The following NCOR1 variants were observed in gnomAD, a reference collection of about 807,000 sequenced individuals.
The protein encoded by NCOR1 is nuclear receptor corepressor 1, also known as protein phosphatase 1, regulatory subunit 109.
Under a neutral mutation model 288.1 loss-of-function variants are expected in NCOR1, and 63 were observed. The observed-to-expected ratio is 0.22, with a 90% CI of 0.18 to 0.27. NCOR1 has a LOEUF of 0.27. NCOR1 is among the 10% of genes least tolerant of loss of function. The pLI, the probability that NCOR1 is intolerant of heterozygous loss-of-function variation, is 1.00. For synonymous variants in NCOR1, 1,007 were observed against 1,065.9 expected, an observed-to-expected ratio of 0.94 and a Z score of 1.08; for missense variants, 2,397 against 3,019.2, an observed-to-expected ratio of 0.79 and a Z score of 4.83.
intron 18 of NCOR1, 107 bp downstream of exon 18, chr17:16,117,780 CT>C: frequency 1.6e-6 from 2 of 1,214,920 alleles, no homozygotes; most frequent in Non-Finnish European, 2.2e-6. Flanking sequence ...CAAGATTGCA[CT>C]GCTGCACTCT....
intron 32 of NCOR1, 127 bp downstream of exon 32, chr17:16,067,767 G>A: frequency 1.1e-6 from 1 of 946,328 alleles, no homozygotes; most frequent in Non-Finnish European, 1.5e-6. Context: ...TTTAGTTTGT[G>A]AAAATTCACT....
At chr17:16,195,445 G>A (rs1438272955) in intron 1 of NCOR1, among the ~76,000 whole-genome samples, 3 of 151,692 alleles carry the variant, frequency 2.0e-5, no homozygotes, top group South Asian at 4.2e-4. Flanking sequence ...CACGCCAGCC[G>A]GGGCAACAGA....
At chr17:16,189,356 T>G (rs967616233) in intron 2 of NCOR1, among the ~76,000 whole-genome samples, 2 of 152,174 alleles carry the variant, frequency 1.3e-5, no homozygotes, top group African/African-American at 4.8e-5. Flanking sequence ...ATTGTGCCAC[T>G]GTACTTCAGC....
intron 42 of NCOR1, among the ~76,000 whole-genome samples, chr17:16,044,014 A>G (rs1487775659): frequency 6.6e-6 from 1 of 152,090 alleles, no homozygotes; most frequent in African/African-American, 2.4e-5. Flanking sequence ...TACTAAAAAT[A>G]CAAAATTAGC....
intron 42 of NCOR1, 24 bp from the exon 43 acceptor site, chr17:16,040,518 T>TTAA: frequency 6.2e-7 from 1 of 1,604,620 alleles, no homozygotes; most frequent in Non-Finnish European, 8.5e-7. Context: ...AACATTCAAG[T>TTAA]TAATTAAGAT....
At chr17:16,211,155 G>C (rs116120681) in intron 1 of NCOR1, among the ~76,000 whole-genome samples, 2,471 of 152,208 alleles carry the variant, frequency 0.016, 62 homozygotes, top group African/African-American at 0.056. Flanking sequence ...AACTTAGGCA[G>C]GTAAATCACT....
intron 21 of NCOR1, among the ~76,000 whole-genome samples, chr17:16,095,682 G>A (rs1393165415): frequency 1.3e-4 from 5 of 39,386 alleles, no homozygotes; most frequent in African/African-American, 3.5e-4. Context: ...GGGGTCAGCC[G>A]CCCCGTCCGG....
At chr17:16,060,957 A>C (rs1337996564) in intron 37 of NCOR1, among the ~76,000 whole-genome samples, 1 of 152,240 alleles carries the variant, frequency 6.6e-6, no homozygotes, top group Non-Finnish European at 1.5e-5. Flanking sequence ...ATGCAATATA[A>C]ATACCAATCA....
At chr17:16,184,608 G>T (rs1308388526) in intron 3 of NCOR1, among the ~76,000 whole-genome samples, 1 of 152,178 alleles carries the variant, frequency 6.6e-6, no homozygotes, top group Non-Finnish European at 1.5e-5. Context: ...CTTGTACACT[G>T]CTGGTGGTAA....
chr17:16,045,299 G>A (rs538489032), intron 42 of NCOR1, among the ~76,000 whole-genome samples: 2 of 152,206 alleles, frequency 1.3e-5, no homozygotes, highest in South Asian at 4.2e-4. Flanking sequence ...GGTTTGAACT[G>A]CAGCCTCATT....
At chr17:16,062,364 A>C in intron 35 of NCOR1, 94 bp from the exon 36 acceptor site, 2 of 1,224,078 alleles carry the variant, frequency 1.6e-6, no homozygotes, top group South Asian at 2.0e-5. Context: ...TTCCTAACAT[A>C]CCTAAATAGA....
rs2067194130 is a variant in NCOR1, at chr17:16,099,312, T to C, written c.2691-816A>G. ...GTGTCATGCTTTATGGGCCTGGTCA[T>C]ATTTCCCAGTGTTGTCATGGTCACT... On this transcript the variant is annotated intron_variant, in intron 20 of 45. Transcript: ENST00000268712. 2.0e-5 allele frequency among the ~76,000 whole-genome samples: 3 copies of C among 152,288 alleles called. No homozygotes were observed. The South Asian group carries it at 6.2e-4, about 32-fold the overall frequency.
At chr17:16,140,011 C>A (rs1422750260) in intron 11 of NCOR1, among the ~76,000 whole-genome samples, 1 of 152,206 alleles carries the variant, frequency 6.6e-6, no homozygotes, top group Non-Finnish European at 1.5e-5. Flanking sequence ...TGAAATTACA[C>A]ATTAGATTGA....
intron 1 of NCOR1, chr17:16,198,859 A>C (rs1010020832): frequency 6.6e-6 from 1 of 152,186 alleles, no homozygotes; most frequent in Non-Finnish European, 1.5e-5. Flanking sequence ...CAACTCAGAT[A>C]TCCCAAATAA....
At chr17:16,167,403 A>G (rs1345482653) in intron 4 of NCOR1, among the ~76,000 whole-genome samples, 3 of 152,110 alleles carry the variant, frequency 2.0e-5, no homozygotes, top group African/African-American at 4.8e-5. Flanking sequence ...AAAGCCAAGT[A>G]ATAGCAAACA....
intron 1 of NCOR1, among the ~76,000 whole-genome samples, chr17:16,204,074 A>G (rs1028009154): frequency 6.6e-6 from 1 of 152,224 alleles, no homozygotes; most frequent in African/African-American, 2.4e-5. Context: ...AATGATAGTA[A>G]TTTAAAGTAT....
intron 22 of NCOR1, among the ~76,000 whole-genome samples, chr17:16,090,451 C>T (rs1435325080): frequency 6.6e-6 from 1 of 152,154 alleles, no homozygotes. Context: ...TCCATTAATA[C>T]CCTGTAGTGA....
chr17:16,054,553 T>C (rs919963046), intron 40 of NCOR1, among the ~76,000 whole-genome samples: 1 of 151,480 alleles, frequency 6.6e-6, no homozygotes, highest in Admixed American at 6.6e-5. Context: ...GCAAATGACA[T>C]GAACAGACAC....
intron 21 of NCOR1, among the ~76,000 whole-genome samples, chr17:16,092,652 TATA>T (rs2065392210): frequency 7.2e-4 from 8 of 11,166 alleles, no homozygotes; most frequent in Admixed American, 3.2e-3. Context: ...TCCATTTATA[TATA>T]TATATATATA....
Sources: gnomAD v4.1 joint callset for allele counts (sites outside exome capture counted in the v4.1 genomes callset) on GRCh38, gnomAD v4.1.1 for gene constraint, MANE v1.5 for transcripts, NCBI Gene and HGNC (gene_info 2026-07-23, HGNC 2026-07-21) for gene names.